The following HHAT variants were observed in gnomAD, a reference collection of about 807,000 sequenced individuals.
HHAT encodes hedgehog acyltransferase.
A neutral mutation model predicts 70.8 loss-of-function variants in HHAT; 47 were observed. The ratio of observed to expected loss-of-function variants is 0.66; its 90% CI spans 0.53 to 0.85. HHAT has a LOEUF of 0.85. HHAT is among the 40% of genes least tolerant of loss of function. The probability of loss-of-function intolerance (pLI) is 0.00; values close to 1 mark genes in which losing one functional copy is unlikely to be tolerated. For synonymous variants in HHAT, 228 were observed against 247.6 expected (o/e 0.92, Z 0.74); for missense variants, 609 against 604.8 (o/e 1.01, Z -0.07).
intron 9 of HHAT, among the ~76,000 whole-genome samples, chr1:210,583,549 G>A (rs1418070638): frequency 6.6e-6 from 1 of 152,202 alleles, no homozygotes; most frequent in African/African-American, 2.4e-5. Flanking sequence ...GGTAGAATTT[G>A]TAAAAGAAAA....
chr1:210,658,747 A>G (rs1053988609), intron 11 of HHAT, among the ~76,000 whole-genome samples: 6 of 152,256 alleles, frequency 3.9e-5, no homozygotes, highest in African/African-American at 1.4e-4. Flanking sequence ...CTCTCAGACC[A>G]CAGTGCAATC....
Position 210,550,224 on chromosome 1 carries a change from T to C in HHAT, c.1043+37036T>C, listed in dbSNP as rs1041016669. Among the ~76,000 whole-genome samples the C allele has an allele frequency of 1.3e-5, 2 of 149,484 alleles. 1 individual carries two copies. Among genetic ancestry groups the C allele is most frequent in the South Asian group, 4.3e-4 (2 of 4,660 alleles). Reference sequence around the variant, plus strand: ...AAATCTGCAGATCAGCACTGACTTATTCTTCAGCTGGCTGAGATTTCTAAC... The same window carrying C: ...AAATCTGCAGATCAGCACTGACTTACTCTTCAGCTGGCTGAGATTTCTAAC... On this transcript the variant is annotated intron_variant, in intron 9 of 11. Coordinates refer to ENST00000261458, the MANE Select transcript of HHAT (RefSeq NM_018194.6).
At chr1:210,537,376 C>G (rs761273739) in intron 9 of HHAT, among the ~76,000 whole-genome samples, 2 of 152,168 alleles carry the variant, frequency 1.3e-5, no homozygotes, top group African/African-American at 2.4e-5. Flanking sequence ...TGTACAAATA[C>G]AGTGTCATTG....
At chr1:210,656,001 A>G (rs1676320500) in intron 11 of HHAT, among the ~76,000 whole-genome samples, 1 of 152,134 alleles carries the variant, frequency 6.6e-6, no homozygotes, top group South Asian at 2.1e-4. Context: ...CCTTCCTAAC[A>G]GCTTCCCAAA....
At chr1:210,422,512 TTC>T (rs1445502117) in intron 7 of HHAT, among the ~76,000 whole-genome samples, 1 of 152,254 alleles carries the variant, frequency 6.6e-6, no homozygotes, top group Non-Finnish European at 1.5e-5. Context: ...GGTGTTAACT[TTC>T]TGTTTCTAGC....
At chr1:210,384,390 G>A (rs1157436685) in intron 3 of HHAT, among the ~76,000 whole-genome samples, 1 of 152,144 alleles carries the variant, frequency 6.6e-6, no homozygotes, top group Non-Finnish European at 1.5e-5. Context: ...TAAGGATTCT[G>A]TGAGTTTATG....
At chr1:210,574,331 G>A (rs868135943) in intron 9 of HHAT, among the ~76,000 whole-genome samples, 2 of 152,182 alleles carry the variant, frequency 1.3e-5, no homozygotes, top group African/African-American at 4.8e-5. Context: ...CCAGGTTTGG[G>A]CAGGAATGAA....
At chr1:210,590,279 C>T (rs1392046397) in intron 10 of HHAT, 1 of 152,050 alleles carries the variant, frequency 6.6e-6, no homozygotes, top group Non-Finnish European at 1.5e-5. Flanking sequence ...TACCCTTCTT[C>T]CCTCTCTTTT....
chr1:210,604,306 T>G (rs902245334), intron 10 of HHAT, among the ~76,000 whole-genome samples: 1 of 151,620 alleles, frequency 6.6e-6, no homozygotes, highest in Non-Finnish European at 1.5e-5. Flanking sequence ...CAGGATGGTC[T>G]CGATCTCCTG....
intron 10 of HHAT, among the ~76,000 whole-genome samples, chr1:210,617,586 C>A (rs1667999326): frequency 6.6e-6 from 1 of 152,200 alleles, no homozygotes; most frequent in Admixed American, 6.5e-5. Flanking sequence ...AGTTCTCTAA[C>A]TAGACAGAGC....
At chr1:210,639,867 T>C (rs1672653721) in intron 11 of HHAT, among the ~76,000 whole-genome samples, 1 of 152,168 alleles carries the variant, frequency 6.6e-6, no homozygotes, top group Non-Finnish European at 1.5e-5. Flanking sequence ...GAAAGATTAT[T>C]TAAAATGCAG....
At chr1:210,576,687 G>GA (rs1195664677) in intron 9 of HHAT, among the ~76,000 whole-genome samples, 15 of 151,902 alleles carry the variant, frequency 9.9e-5, no homozygotes, top group Admixed American at 6.6e-5. Context: ...TTGAAAAAAA[G>GA]AAAAAAAGAA....
intron 6 of HHAT, among the ~76,000 whole-genome samples, chr1:210,404,999 A>G (rs947296400): frequency 5.3e-5 from 8 of 152,208 alleles, no homozygotes; most frequent in Admixed American, 3.9e-4. Context: ...AGTCCCAAGG[A>G]AAGAAAAAAA....
intron 9 of HHAT, among the ~76,000 whole-genome samples, chr1:210,556,812 T>C (rs1018608853): frequency 2.6e-5 from 4 of 152,142 alleles, no homozygotes; most frequent in African/African-American, 9.7e-5. Context: ...AGCCAGCCAC[T>C]CATGAATGGG....
At chr1:210,648,486 G>C (rs539250322) in intron 11 of HHAT, among the ~76,000 whole-genome samples, 1 of 152,136 alleles carries the variant, frequency 6.6e-6, no homozygotes, top group African/African-American at 2.4e-5. Flanking sequence ...GGTTCTTTCC[G>C]TCTTTGCAGT....
At chr1:210,386,483 C>T (rs1422872477) in intron 3 of HHAT, among the ~76,000 whole-genome samples, 1 of 151,614 alleles carries the variant, frequency 6.6e-6, no homozygotes, top group Non-Finnish European at 1.5e-5. Context: ...CGTGATCCGC[C>T]CGCCTCGGCC....
chr1:210,371,465 T>G (rs916467034), intron 3 of HHAT, among the ~76,000 whole-genome samples: 5 of 152,202 alleles, frequency 3.3e-5, no homozygotes, highest in Non-Finnish European at 5.9e-5. Flanking sequence ...CATGGGTTTC[T>G]TGCCCCTGAC....
chr1:210,650,256 A>C (rs1431005080), intron 11 of HHAT, among the ~76,000 whole-genome samples: 1 of 152,188 alleles, frequency 6.6e-6, no homozygotes, highest in Non-Finnish European at 1.5e-5. Flanking sequence ...CCTGGTTTTA[A>C]AGATGAGAAA....
chr1:210,485,001 T>G (rs993688739), intron 8 of HHAT, among the ~76,000 whole-genome samples: 5 of 151,830 alleles, frequency 3.3e-5, no homozygotes, highest in African/African-American at 1.2e-4. Flanking sequence ...ATGTGCAGAG[T>G]AAGATGAGGT....
Sources: allele counts gnomAD v4.1 joint callset (sites outside exome capture counted in the v4.1 genomes callset), GRCh38; gene constraint gnomAD v4.1.1; transcripts MANE v1.5; gene names NCBI Gene and HGNC (gene_info 2026-07-23, HGNC 2026-07-21).